DIP2C: variants seen among roughly 807,000 people sequenced by gnomAD.
The protein encoded by DIP2C is DIP2 acetate--CoA ligase C (putative), also known as disco-interacting protein 2 homolog C.
Under a neutral mutation model 192.4 loss-of-function variants are expected in DIP2C, and 33 were observed. The observed-to-expected ratio is 0.17, with a 90% CI of 0.13 to 0.23. The LOEUF (loss-of-function observed/expected upper bound fraction) is 0.23, where lower values mean the gene tolerates loss of function less well. DIP2C is among the 10% of genes least tolerant of loss of function. The pLI, the probability that DIP2C is intolerant of heterozygous loss-of-function variation, is 1.00. For synonymous variants in DIP2C, 979 were observed against 864.1 expected, an observed-to-expected ratio of 1.13 and a Z score of -2.33; for missense variants, 1,537 against 2,110.1, an observed-to-expected ratio of 0.73 and a Z score of 5.32.
At chr10:361,627 G>A (rs1186050606) in intron 22 of DIP2C, among the ~76,000 whole-genome samples, 2 of 152,204 alleles carry the variant, frequency 1.3e-5, no homozygotes, top group East Asian at 3.8e-4. Context: ...AGTGGGGAGA[G>A]AGGATCAGGT....
At position 348,692 on chromosome 10, in the gene DIP2C, C is replaced by A. The variant is rs146207311; in HGVS notation, c.3180G>T (p.Pro1060=). 9.9e-6 allele frequency: 16 copies of A among 1,613,696 alleles called. No individual in the cohort carries two copies. The highest frequency in any genetic ancestry group is 1.4e-5 in the Non-Finnish European group (16 of 1,179,960). Residue 1060 remains proline, a synonymous_variant, in exon 26 of 37, where the codon CCG becomes CCT. Coordinates refer to ENST00000280886, the MANE Select transcript of DIP2C (RefSeq NM_014974.3). ...ACGTCGTCGCGATGTTCTGTGGGTGCGGGGGACGGACGGTTATTGGCACAC... is the reference window on the plus strand; with the variant it reads ...ACGTCGTCGCGATGTTCTGTGGGTGAGGGGGACGGACGGTTATTGGCACAC... ...AGCVPITVRP[P]HPQNIATTLP...
At chr10:485,883 AAT>A (rs1263892417) in intron 2 of DIP2C, among the ~76,000 whole-genome samples, 5 of 152,234 alleles carry the variant, frequency 3.3e-5, no homozygotes, top group African/African-American at 7.2e-5. Flanking sequence ...ATCCCCATCT[AAT>A]ATGAGATTCT....
intron 1 of DIP2C, among the ~76,000 whole-genome samples, chr10:496,073 G>A (rs1476303738): frequency 7.1e-6 from 1 of 141,744 alleles, no homozygotes; most frequent in African/African-American, 2.5e-5. Context: ...CAACTTGAGT[G>A]CTGAGTACAC....
At chr10:686,117 CA>C (rs1831326249) in intron 1 of DIP2C, among the ~76,000 whole-genome samples, 1 of 152,142 alleles carries the variant, frequency 6.6e-6, no homozygotes, top group South Asian at 2.1e-4. Flanking sequence ...TTATAAAGGG[CA>C]AAAATGTAGG....
At chr10:290,516 C>T (rs981071760) in intron 32 of DIP2C, among the ~76,000 whole-genome samples, 1 of 152,222 alleles carries the variant, frequency 6.6e-6, no homozygotes, top group African/African-American at 2.4e-5. Context: ...AGGACATGGC[C>T]ATGCCAGGAC....
chr10:515,715 C>T (rs1197434684), intron 1 of DIP2C, among the ~76,000 whole-genome samples: 17 of 104,428 alleles, frequency 1.6e-4, no homozygotes, highest in Non-Finnish European at 4.0e-5. Flanking sequence ...CAGAGTGAGA[C>T]TGTCTCTCAA....
At chr10:390,490 C>A in intron 11 of DIP2C, 117 bp from the exon 12 acceptor site, 1 of 1,130,422 alleles carries the variant, frequency 8.8e-7, no homozygotes, top group Admixed American at 2.0e-5. Context: ...TCTCTGGTGT[C>A]TCCGGACTTC....
intron 1 of DIP2C, among the ~76,000 whole-genome samples, chr10:555,260 C>T (rs573854017): frequency 1.3e-5 from 2 of 151,844 alleles, no homozygotes; most frequent in East Asian, 3.9e-4. Flanking sequence ...ACGGGCTCTT[C>T]TGGGCTCTTT....
At chr10:659,988 G>C (rs759957141) in intron 1 of DIP2C, among the ~76,000 whole-genome samples, 1 of 152,232 alleles carries the variant, frequency 6.6e-6, no homozygotes, top group South Asian at 2.1e-4. Context: ...GGACCAGAGA[G>C]AGGAAAAAAT....
At chr10:307,688 G>A (rs1194258274) in intron 32 of DIP2C, among the ~76,000 whole-genome samples, 1 of 151,536 alleles carries the variant, frequency 6.6e-6, no homozygotes, top group African/African-American at 2.4e-5. Context: ...GAAAAAAACA[G>A]AAAGGAATGA....
intron 31 of DIP2C, among the ~76,000 whole-genome samples, chr10:320,551 G>A (rs918626797): frequency 2.6e-5 from 4 of 151,664 alleles, no homozygotes; most frequent in Non-Finnish European, 5.9e-5. Context: ...TTGACAAAAT[G>A]TATCCAACAT....
intron 1 of DIP2C, chr10:668,452 C>T (rs1365111790): frequency 6.6e-6 from 1 of 152,182 alleles, no homozygotes; most frequent in Admixed American, 6.5e-5. Flanking sequence ...GCAACTCATA[C>T]AACATACACA....
intron 17 of DIP2C, among the ~76,000 whole-genome samples, chr10:374,472 ACCCT>A (rs1418502699): frequency 2.0e-5 from 3 of 152,106 alleles, no homozygotes; most frequent in Non-Finnish European, 4.4e-5. Context: ...CAGCACCATG[ACCCT>A]CCCTGTTTAG....
chr10:676,127 G>C (rs372164437), intron 1 of DIP2C, among the ~76,000 whole-genome samples: 2 of 152,066 alleles, frequency 1.3e-5, no homozygotes, highest in African/African-American at 4.8e-5. Flanking sequence ...CAATAAACAC[G>C]CTACATCACA....
rs1029979973 is a variant in DIP2C, at chr10:324,620, A to T, written c.3924+2386T>A. ...TTAAAGATGCTGCCAAGATTGCAAA[A>T]TAACGCCATGACCCATGATTAGAAT... On this transcript the variant is annotated intron_variant, in intron 31 of 36. Coordinates refer to ENST00000280886, the MANE Select transcript of DIP2C (RefSeq NM_014974.3). 9 of 182,806 alleles carry T rather than the reference A, an allele frequency of 4.9e-5. 1 individual carries two copies. Among genetic ancestry groups the T allele is most frequent in the African/African-American group, 9.4e-5 (4 of 42,414 alleles). 11.3% of individuals were successfully genotyped at this position (182,806 alleles called of 1,614,324 possible).
chr10:308,828 G>A (rs1015442506), intron 32 of DIP2C, among the ~76,000 whole-genome samples: 1 of 152,234 alleles, frequency 6.6e-6, no homozygotes, highest in Non-Finnish European at 1.5e-5. Flanking sequence ...ATCTACGAGT[G>A]TGAACCGTCA....
intron 29 of DIP2C, among the ~76,000 whole-genome samples, chr10:335,132 A>C (rs1374421451): frequency 6.6e-6 from 1 of 152,222 alleles, no homozygotes; most frequent in Non-Finnish European, 1.5e-5. Flanking sequence ...TTTTGAAACA[A>C]TACCATTATA....
In DIP2C at chr10:390,810, T is replaced by C. The variant is rs766993702; in HGVS notation, c.1314A>G (p.Val438=). 2 of 1,614,138 alleles carry C rather than the reference T, an allele frequency of 1.2e-6. No homozygotes were observed. The highest frequency in any genetic ancestry group is 1.7e-6 in the Non-Finnish European group (2 of 1,180,020). ...TATGGCAGGCGTCACTAGTCAAGGC[T>C]ACAGTAACTCCACAGCTTCCAAGCA... ...GFLLGSCGVT[V]ALTSDACHKG... Residue 438 remains valine (V), a synonymous_variant, in exon 11 of 37, where the codon GTA becomes GTG. Transcript: ENST00000280886.
At chr10:626,903 TC>T (rs1208962478) in intron 1 of DIP2C, among the ~76,000 whole-genome samples, 13 of 152,238 alleles carry the variant, frequency 8.5e-5, no homozygotes, top group Admixed American at 4.6e-4. Flanking sequence ...GAAGGGCCAT[TC>T]CCATTTATTC....
Sources: allele counts gnomAD v4.1 joint callset (sites outside exome capture counted in the v4.1 genomes callset), GRCh38; gene constraint gnomAD v4.1.1; transcripts MANE v1.5; gene names NCBI Gene and HGNC (gene_info 2026-07-23, HGNC 2026-07-21).